MAN2B2: variants seen among roughly 807,000 people sequenced by gnomAD.
The protein encoded by MAN2B2 is epididymis-specific alpha-mannosidase.
MAN2B2 carries 106 observed loss-of-function variants against 117.1 expected under a neutral mutation model. The ratio of observed to expected loss-of-function variants is 0.90; its 90% CI spans 0.77 to 1.06. The LOEUF is 1.06. Among genes scored for constraint, MAN2B2 ranks in the 50% least tolerant of loss-of-function variants. The pLI, the probability that MAN2B2 is intolerant of heterozygous loss-of-function variation, is 0.00. For missense variants in MAN2B2, 1,326 were observed against 1,381.4 expected, an observed-to-expected ratio of 0.96 and a Z score of 0.64; for synonymous variants, 544 against 595.1, an observed-to-expected ratio of 0.91 and a Z score of 1.25.
At chr4:6,612,934 G>A (rs1027501334) in intron 15 of MAN2B2, among the ~76,000 whole-genome samples, 3 of 152,226 alleles carry the variant, frequency 2.0e-5, no homozygotes, top group African/African-American at 7.2e-5. Flanking sequence ...GTCCTTGTTC[G>A]TCTCTCACCT....
Position 6,623,155 on chromosome 4 carries a change from G to C in MAN2B2, c.*1870G>C, listed in dbSNP as rs575413844. ...GGATCACTGGTGGTCAGTAGTTCAA[G>C]ACCAGGCTGGCCAACATGGTGAAAC... On this transcript the variant is annotated 3_prime_UTR_variant, in exon 19 of 19. Coordinates refer to ENST00000285599, the MANE Select transcript of MAN2B2 (RefSeq NM_015274.3). The C allele has an allele frequency of 2.0e-5, 3 of 151,942 alleles. No homozygotes were observed. Among genetic ancestry groups the C allele is most frequent in the Non-Finnish European group, 4.4e-5 (3 of 68,176 alleles). The allele number at this position is 151,942 out of a possible 1,614,324, so 9.4% of individuals were successfully genotyped here. A position where few individuals can be genotyped will look rare whatever the true frequency, so the allele number is the denominator to read the frequency against.
chr4:6,593,252 G>A lies in MAN2B2; in HGVS notation c.760G>A (p.Val254Ile), dbSNP rs746821320. The change falls in exon 6 of 19, where the codon GTC becomes ATC. Residue 254 changes from valine (V) to isoleucine (I), a missense_variant. Coordinates refer to ENST00000285599, the MANE Select transcript of MAN2B2 (RefSeq NM_015274.3). ...DGVYPNMSEP[V>I]TPANINLYAE... ...GGTGTACCCCAACATGAGTGAGCCT[G>A]TCACCCCAGCCAACATCAACCTCTA... The A allele has an allele frequency of 1.7e-5, 28 of 1,613,924 alleles. No individual in the cohort carries two copies. The highest frequency in any genetic ancestry group is 2.3e-5 in the Non-Finnish European group (27 of 1,179,972).
chr4:6,621,209 G>A lies in MAN2B2; in HGVS notation c.2954G>A (p.Arg985Lys), dbSNP rs952482171. Residue 985 changes from arginine to lysine, a missense_variant, in exon 19 of 19, where the codon AGG becomes AAG. Coordinates refer to ENST00000285599, the MANE Select transcript of MAN2B2 (RefSeq NM_015274.3). Reference sequence around the variant, plus strand: ...CTAGGTGACACCACCTCTCCCTCGAGGCCACCAGGAGGCCCCATCATCACC... The same window carrying A: ...CTAGGTGACACCACCTCTCCCTCGAAGCCACCAGGAGGCCCCATCATCACC... ...RHRGDTTSPS[R>K]PPGGPIITVH... 3.7e-6 allele frequency: 6 copies of A among 1,613,958 alleles called. No homozygotes were observed. In the Admixed American group the frequency reaches 5.0e-5, roughly 13 times the overall value.
chr4:6,589,947 G>T (rs1478787104), intron 5 of MAN2B2, among the ~76,000 whole-genome samples: 1 of 152,046 alleles, frequency 6.6e-6, no homozygotes, highest in Non-Finnish European at 1.5e-5. Flanking sequence ...GGTGCATGCA[G>T]TCCTAGATGC....
At position 6,589,170 on chromosome 4, in the gene MAN2B2, C is replaced by A; in HGVS notation, c.680+10C>A. ...TCCCTTTCTCCAACAGGTACGTGCCCTTCCGCAGTGCCTTTGGGATCTCAG... is the reference window on the plus strand; with the variant it reads ...TCCCTTTCTCCAACAGGTACGTGCCATTCCGCAGTGCCTTTGGGATCTCAG... On this transcript the variant is annotated intron_variant, in intron 5 of 18. Coordinates refer to ENST00000285599, the MANE Select transcript of MAN2B2 (RefSeq NM_015274.3). 1 of 1,593,978 alleles carries A rather than the reference C, an allele frequency of 6.3e-7. No homozygotes were observed. Among genetic ancestry groups the A allele is most frequent in the Non-Finnish European group, 8.6e-7 (1 of 1,161,582 alleles).
chr4:6,609,640 G>C (rs1014362128), intron 12 of MAN2B2, 158 bp from the exon 13 acceptor site: 1 of 924,702 alleles, frequency 1.1e-6, no homozygotes, highest in African/African-American at 1.7e-5. Context: ...GCCGCTCGGG[G>C]TCCTGGGTGG....
intron 8 of MAN2B2, 135 bp from the exon 9 acceptor site, chr4:6,598,063 A>G (rs1375615274): frequency 5.5e-6 from 5 of 904,418 alleles, no homozygotes; most frequent in South Asian, 1.8e-5. Context: ...CTTCTGTAAA[A>G]TGGCGGGGAC....
intron 16 of MAN2B2, among the ~76,000 whole-genome samples, chr4:6,617,047 C>G (rs1807115): frequency 6.6e-6 from 1 of 152,174 alleles, no homozygotes; most frequent in Non-Finnish European, 1.5e-5. Flanking sequence ...AGCAAAGTCA[C>G]GTCTTACATG....
intron 11 of MAN2B2, among the ~76,000 whole-genome samples, chr4:6,605,783 C>T (rs1389610993): frequency 6.6e-6 from 1 of 151,926 alleles, no homozygotes; most frequent in Admixed American, 6.6e-5. Context: ...TATCCACCCA[C>T]TCATCCATCC....
intron 5 of MAN2B2, among the ~76,000 whole-genome samples, chr4:6,590,842 G>T (rs1726829447): frequency 6.6e-6 from 1 of 152,108 alleles, no homozygotes; most frequent in Non-Finnish European, 1.5e-5. Flanking sequence ...CCCTATCAGG[G>T]ATCACAATGA....
Position 6,605,302 on chromosome 4 carries a change from C to A in MAN2B2, c.1787C>A (p.Thr596Asn). Residue 596 changes from threonine (T) to asparagine (N), a missense_variant, in exon 11 of 19, where the codon ACC (threonine) becomes AAC (asparagine). By Grantham distance (65) the Thr-to-Asn change is moderately conservative (BLOSUM62 0). Transcript: ENST00000285599. ...DCYIVLLDQDTNLMHSIWERQ... is the reference protein window; with the variant it reads ...DCYIVLLDQDNNLMHSIWERQ... ...TACATTGTGCTGCTCGACCAGGATA[C>A]CAACCTGATGCACAGCATCTGGGAG... The A allele has an allele frequency of 6.2e-7, 1 of 1,612,678 alleles. No individual in the cohort carries two copies. The highest frequency in any genetic ancestry group is 8.5e-7 in the Non-Finnish European group (1 of 1,178,852).
At chr4:6,617,581 C>G (rs576005296) in intron 17 of MAN2B2, 89 bp downstream of exon 17, 4 of 1,561,388 alleles carry the variant, frequency 2.6e-6, no homozygotes, top group East Asian at 4.7e-5. Context: ...AAGAGATCCA[C>G]GAGGGCTTCC....
chr4:6,591,941 G>A (rs1333461561), intron 5 of MAN2B2, among the ~76,000 whole-genome samples: 1 of 152,158 alleles, frequency 6.6e-6, no homozygotes, highest in Non-Finnish European at 1.5e-5. Flanking sequence ...TGCTGTGAGT[G>A]CCCCATCTTA....
rs776321221 is a variant in MAN2B2, at chr4:6,616,870, G to A, written c.2702-510G>A. ...CTCTCTGAGCCTTGGTTTCCTTGTC[G>A]AGTGGGGGCCATGTCAGCTGTCTCA... is the stretch of plus-strand genomic sequence containing the variant. On this transcript the variant is annotated intron_variant, in intron 16 of 18. Transcript: ENST00000285599. 7.2e-5 allele frequency among the ~76,000 whole-genome samples: 11 copies of A among 152,104 alleles called. No homozygotes were observed. In the South Asian group the frequency reaches 8.3e-4, roughly 11 times the overall value.
At chr4:6,586,851 C>A in intron 3 of MAN2B2, 145 bp from the exon 4 acceptor site, 1 of 640,372 alleles carries the variant, frequency 1.6e-6, no homozygotes, top group Non-Finnish European at 2.7e-6. Flanking sequence ...TTAACACCCT[C>A]ACCTCTGCAG....
chr4:6,598,142 G>A, intron 8 of MAN2B2, 56 bp from the exon 9 acceptor site: 2 of 1,576,756 alleles, frequency 1.3e-6, no homozygotes, highest in Non-Finnish European at 1.7e-6. Context: ...CCTTGTAGGT[G>A]CTTTGCAGAG....
chr4:6,589,238 G>A (rs1560642644), intron 5 of MAN2B2, 78 bp downstream of exon 5: 18 of 1,170,932 alleles, frequency 1.5e-5, no homozygotes, highest in Non-Finnish European at 2.3e-5. Context: ...CTGCAGTTTT[G>A]TTTTTGTTTA....
intron 10 of MAN2B2, 89 bp from the exon 11 acceptor site, chr4:6,604,966 G>A (rs1014568855): frequency 2.1e-6 from 3 of 1,441,146 alleles, no homozygotes; most frequent in East Asian, 4.6e-5. Flanking sequence ...GAGATGGAAA[G>A]ACACTGCTGC....
At chr4:6,617,650 G>A (rs2108760654) in intron 17 of MAN2B2, 158 bp downstream of exon 17, 2 of 1,442,316 alleles carry the variant, frequency 1.4e-6, no homozygotes, top group Non-Finnish European at 1.9e-6. Flanking sequence ...TTCTGGGTTT[G>A]TCAGGTATTA....
Sources: gnomAD v4.1 joint callset for allele counts (sites outside exome capture counted in the v4.1 genomes callset) on GRCh38, gnomAD v4.1.1 for gene constraint, MANE v1.5 for transcripts, NCBI Gene and HGNC (gene_info 2026-07-23, HGNC 2026-07-21) for gene names.